Variants in WWOX observed in about 807,000 individuals in gnomAD.
The protein encoded by WWOX is WW domain-containing oxidoreductase.
A neutral mutation model predicts 46.2 loss-of-function variants in WWOX; 69 were observed. The observed-to-expected ratio is 1.49, with a 90% confidence interval of 1.23 to 1.82. WWOX has a LOEUF of 1.82. Ranked by LOEUF, WWOX falls within the 40% of genes most tolerant of loss-of-function variation. WWOX has a pLI of 0.00. For synonymous variants in WWOX, 359 were observed against 202.6 expected, an observed-to-expected ratio of 1.77 and a Z score of -6.56; for missense variants, 919 against 542.6, an observed-to-expected ratio of 1.69 and a Z score of -6.89.
intron 8 of WWOX, among the ~76,000 whole-genome samples, chr16:78,477,892 A>T (rs555536323): frequency 6.6e-6 from 1 of 152,208 alleles, no homozygotes; most frequent in Non-Finnish European, 1.5e-5. Context: ...GAGGAAGTAT[A>T]AAAGATATGG....
intron 4 of WWOX, among the ~76,000 whole-genome samples, chr16:78,150,027 C>T (rs1163657537): frequency 6.6e-6 from 1 of 152,152 alleles, no homozygotes; most frequent in Non-Finnish European, 1.5e-5. Context: ...GCACAGACCC[C>T]ATGGTTGAGG....
chr16:78,182,449 G>A (rs1246685908), intron 5 of WWOX, among the ~76,000 whole-genome samples: 1 of 151,846 alleles, frequency 6.6e-6, no homozygotes, highest in Non-Finnish European at 1.5e-5. Context: ...TCCTCTGCTT[G>A]GAAGGGTCTC....
At chr16:78,604,095 G>C (rs191597642) in intron 8 of WWOX, among the ~76,000 whole-genome samples, 200 of 152,214 alleles carry the variant, frequency 1.3e-3, no homozygotes, top group Non-Finnish European at 2.4e-3. Context: ...AGTGAGCTGT[G>C]ATCACGCCAC....
intron 8 of WWOX, among the ~76,000 whole-genome samples, chr16:78,559,760 C>G (rs557197336): frequency 9.9e-5 from 15 of 152,180 alleles, no homozygotes; most frequent in Middle Eastern, 3.2e-3. Flanking sequence ...TGACTTTAAT[C>G]GTGTGAATGT....
At chr16:78,964,859 T>G (rs1452940247) in intron 8 of WWOX, among the ~76,000 whole-genome samples, 1 of 152,178 alleles carries the variant, frequency 6.6e-6, no homozygotes, top group Non-Finnish European at 1.5e-5. Context: ...GCCACTCCAG[T>G]CATGGCTGAA....
At chr16:78,561,037 C>T (rs2044422826) in intron 8 of WWOX, among the ~76,000 whole-genome samples, 1 of 152,160 alleles carries the variant, frequency 6.6e-6, no homozygotes, top group Admixed American at 6.5e-5. Context: ...AACATCCTTT[C>T]CTGCATGCTC....
rs76009490 is a variant in WWOX at position 78,127,208 on chromosome 16, G to T, written c.409+12054G>T. ...GACAGTACTCCTACTTTGCAAAGTT[G>T]TTAAAGATGGGAACTCCAGAGTGCC... On this transcript the variant is annotated intron_variant, in intron 4 of 8. Transcript: ENST00000566780. 0.018 allele frequency among the ~76,000 whole-genome samples: 2,736 copies of T among 152,222 alleles called. 174 individuals are homozygous for T. The East Asian group carries it at 0.23, about 13-fold the overall frequency.
chr16:79,073,989 C>T (rs1004362796), intron 8 of WWOX, among the ~76,000 whole-genome samples: 2 of 134,256 alleles, frequency 1.5e-5, no homozygotes, highest in African/African-American at 5.2e-5. Context: ...AGTTATTTGC[C>T]AAAGGTCTGA....
At chr16:78,728,048 C>CTCCT (rs150455951) in intron 8 of WWOX, among the ~76,000 whole-genome samples, 18,949 of 89,120 alleles carry the variant, frequency 0.21, 4,567 homozygotes, top group East Asian at 0.33. Flanking sequence ...TCCTCTCTCC[C>CTCCT]TCCTTCCTTT....
intron 5 of WWOX, among the ~76,000 whole-genome samples, chr16:78,171,951 G>C (rs550124997): frequency 2.0e-5 from 3 of 152,302 alleles, no homozygotes; most frequent in East Asian, 3.9e-4. Flanking sequence ...TAGGTACTGT[G>C]CTTAGCATTT....
intron 8 of WWOX, among the ~76,000 whole-genome samples, chr16:78,838,188 G>T (rs931106196): frequency 6.6e-6 from 1 of 152,140 alleles, no homozygotes; most frequent in African/African-American, 2.4e-5. Flanking sequence ...GTGGTGGGTG[G>T]TGGTGAAGCA....
At chr16:78,866,146 C>G (rs184136092) in intron 8 of WWOX, among the ~76,000 whole-genome samples, 42 of 152,294 alleles carry the variant, frequency 2.8e-4, no homozygotes, top group Admixed American at 7.2e-4. Context: ...GATTTCCCAT[C>G]TAGCTCCTGG....
At chr16:79,121,503 G>T (rs977518641) in intron 8 of WWOX, among the ~76,000 whole-genome samples, 1 of 152,194 alleles carries the variant, frequency 6.6e-6, no homozygotes, top group Non-Finnish European at 1.5e-5. Context: ...TCTGTTTACG[G>T]GGCTGTGGGA....
chr16:79,156,760 C>G (rs751478706), intron 8 of WWOX, among the ~76,000 whole-genome samples: 1 of 150,496 alleles, frequency 6.6e-6, no homozygotes, highest in African/African-American at 2.5e-5. Context: ...TAAGAATATC[C>G]AAGGGATGTA....
chr16:78,213,420 C>T (rs2151790087), intron 5 of WWOX, among the ~76,000 whole-genome samples: 1 of 151,836 alleles, frequency 6.6e-6, no homozygotes, highest in East Asian at 1.9e-4. Flanking sequence ...TTGGTGAAAG[C>T]AAGGCAATGG....
intron 6 of WWOX, among the ~76,000 whole-genome samples, chr16:78,423,259 G>T (rs2082994402): frequency 6.6e-6 from 1 of 152,074 alleles, no homozygotes; most frequent in Non-Finnish European, 1.5e-5. Context: ...GTCTGTGTCT[G>T]ATAATAAAAT....
At chr16:78,792,853 C>G (rs2050640447) in intron 8 of WWOX, among the ~76,000 whole-genome samples, 1 of 152,082 alleles carries the variant, frequency 6.6e-6, no homozygotes, top group African/African-American at 2.4e-5. Flanking sequence ...TCTGCTCACC[C>G]CGGGGATTTA....
chr16:79,099,476 A>G (rs1189573618), intron 8 of WWOX, among the ~76,000 whole-genome samples: 1 of 152,158 alleles, frequency 6.6e-6, no homozygotes, highest in Non-Finnish European at 1.5e-5. Flanking sequence ...TTTCCATTCT[A>G]GCTGACTGTT....
chr16:78,738,026 A>T (rs112394721), intron 8 of WWOX, among the ~76,000 whole-genome samples: 10 of 152,264 alleles, frequency 6.6e-5, no homozygotes, highest in African/African-American at 2.4e-4. Context: ...AGCCCGGTGG[A>T]CTTCTGTGGC....
Sources: allele counts gnomAD v4.1 joint callset (sites outside exome capture counted in the v4.1 genomes callset), GRCh38; gene constraint gnomAD v4.1.1; transcripts MANE v1.5; gene names NCBI Gene and HGNC (gene_info 2026-07-23, HGNC 2026-07-21).